Variants in RP1 observed in about 807,000 individuals in gnomAD.
RP1 encodes the protein RP1 axonemal microtubule associated.
In RP1, 16 loss-of-function variants were observed where a neutral mutation model predicts 14.8. The ratio of observed to expected loss-of-function variants is 1.08; its 90% CI spans 0.73 to 1.65. The LOEUF is 1.65. Among genes scored for constraint, RP1 ranks in the 40% most tolerant of loss-of-function variants. The pLI, the probability that RP1 is intolerant of heterozygous loss-of-function variation, is 0.00. For synonymous variants in RP1, 876 were observed against 883.6 expected (o/e 0.99, Z 0.15); for missense variants, 2,631 against 2,535.0 (o/e 1.04, Z -0.81).
At chr8:54,633,233 A>C (rs1219898876), downstream of RP1, among the ~76,000 whole-genome samples, 1 of 152,176 alleles carries the variant, frequency 6.6e-6, no homozygotes, top group Non-Finnish European at 1.5e-5. Context: ...GCAGAAGTTC[A>C]AAAGTAGAGG....
chr8:54,816,523 G>T (rs1262416899), intron 24 of RP1, among the ~76,000 whole-genome samples: 2 of 152,202 alleles, frequency 1.3e-5, no homozygotes, highest in Admixed American at 1.3e-4. Flanking sequence ...TGAGGATTTT[G>T]TGAGATAAAA....
At position 54,629,795 on chromosome 8, in the gene RP1, C is replaced by T. The variant is rs754290174; in HGVS notation, c.5913C>T (p.Asn1971=). The part of the protein sequence containing the change: ...QTDKNVFREE[N]NKASMRQNLI... ...ACAAAAATGTGTTCAGGGAAGAGAA[C>T]AATAAAGCAAGTATGAGACAAAATC... Residue 1971 remains asparagine (N), a synonymous_variant, in exon 4 of 4, where the codon AAC becomes AAT. Transcript: ENST00000220676. The T allele has an allele frequency of 3.7e-6, 6 of 1,611,202 alleles. No individual in the cohort carries two copies. The highest frequency in any genetic ancestry group is 1.1e-5 in the South Asian group (1 of 90,526).
chr8:54,627,811 T>C lies in RP1; in HGVS notation c.3929T>C (p.Phe1310Ser), dbSNP rs2129317365. 2 of 1,614,188 alleles carry C rather than the reference T, an allele frequency of 1.2e-6. No homozygotes were observed. Among genetic ancestry groups the C allele is most frequent in the East Asian group, 4.5e-5 (2 of 44,888 alleles). Residue 1310 changes from phenylalanine to serine, a missense_variant, in exon 4 of 4, where the codon TTT becomes TCT. Transcript: ENST00000220676. Reference sequence around the variant, plus strand: ...GTCTGTTCACTTACTGATACTGTGTTTTCTGATAAGGCTTGTGCTCAAAAG... The same window carrying C: ...GTCTGTTCACTTACTGATACTGTGTCTTCTGATAAGGCTTGTGCTCAAAAG... ...GEVCSLTDTVFSDKACAQKEN... is the reference protein window; with the variant it reads ...GEVCSLTDTVSSDKACAQKEN...
chr8:54,819,019 G>A (rs1337715167), intron 24 of RP1, among the ~76,000 whole-genome samples: 5 of 151,766 alleles, frequency 3.3e-5, no homozygotes, highest in Non-Finnish European at 5.9e-5. Context: ...TGCACTGGAG[G>A]GCCCAGAACA....
intron 3 of RP1, among the ~76,000 whole-genome samples, chr8:54,638,900 C>T (rs1393534039): frequency 6.8e-5 from 8 of 117,784 alleles, no homozygotes; most frequent in African/African-American, 2.8e-4. Flanking sequence ...CTCTCTCTCT[C>T]TCTCTCTCGG....
In RP1 at chr8:54,621,308, T is replaced by C. The variant is rs1486214059; in HGVS notation, c.342T>C (p.Pro114=). The C allele has an allele frequency of 6.2e-7, 1 of 1,613,576 alleles. No homozygotes were observed. The change falls in exon 2 of 4, where the codon CCT becomes CCC. Residue 114 remains proline (P), a synonymous_variant. Coordinates refer to ENST00000220676, the MANE Select transcript of RP1 (RefSeq NM_006269.2). ...GTTCCCACGGCAGGAAGGTGCAGCC[T>C]GTAGACCTGGACAAAGCCCGTCGGC... ...YLCSHGRKVQ[P]VDLDKARRRP... is the part of the protein sequence containing the mutation.
chr8:54,699,364 T>C, intron 12 of RP1: 1 of 444,648 alleles, frequency 2.2e-6, no homozygotes, highest in East Asian at 3.4e-5. Flanking sequence ...AAACATTTAA[T>C]TGAGAAGTTT....
chr8:54,746,849 G>C (rs1809236250), intron 19 of RP1, among the ~76,000 whole-genome samples: 1 of 152,130 alleles, frequency 6.6e-6, no homozygotes, highest in South Asian at 2.1e-4. Context: ...TGAATATCAA[G>C]TGAAAAAAAT....
chr8:54,630,016 G>A lies in RP1; in HGVS notation c.6134G>A (p.Gly2045Asp). 1.9e-6 allele frequency: 3 copies of A among 1,613,986 alleles called. No homozygotes were observed. The South Asian group carries it at 3.3e-5, about 18-fold the overall frequency. The change falls in exon 4 of 4, where the codon GGT (glycine) becomes GAT (aspartate). Residue 2045 changes from glycine (G) to aspartate (D), a missense_variant. Coordinates refer to ENST00000220676, the MANE Select transcript of RP1 (RefSeq NM_006269.2). ...TTGCACACATCATTGTTAGTTGTGG[G>A]TAATGTGGATTCAAATACACAAGAC... is the stretch of plus-strand genomic sequence containing the variant. ...NFLHTSLLVVGNVDSNTQDLS... is the reference protein window; with the variant it reads ...NFLHTSLLVVDNVDSNTQDLS...
At chr8:54,571,858 G>A (rs1246020961) in intron 1 of RP1, among the ~76,000 whole-genome samples, 1 of 152,056 alleles carries the variant, frequency 6.6e-6, no homozygotes. Flanking sequence ...CTCTGAAGGT[G>A]TCTATATCCA....
At chr8:54,636,236 A>G (rs1806342842) in intron 3 of RP1, among the ~76,000 whole-genome samples, 1 of 152,222 alleles carries the variant, frequency 6.6e-6, no homozygotes, top group South Asian at 2.1e-4. Flanking sequence ...GTCTGCCTGA[A>G]AAAACAGTTT....
At chr8:54,680,518 A>G (rs1389322036) in intron 12 of RP1, among the ~76,000 whole-genome samples, 1 of 152,184 alleles carries the variant, frequency 6.6e-6, no homozygotes. Context: ...ACACCTATGA[A>G]TTTAACTGTA....
At chr8:54,699,521 A>C in exon 13 of RP1, 1 of 1,413,268 alleles carries the variant, frequency 7.1e-7, no homozygotes, top group South Asian at 1.7e-5. Flanking sequence ...CAAAGTCATG[A>C]GATGAGGCAT....
chr8:54,610,678 C>T (rs1203736488), intron 1 of RP1, among the ~76,000 whole-genome samples: 2 of 152,166 alleles, frequency 1.3e-5, no homozygotes, highest in Non-Finnish European at 2.9e-5. Flanking sequence ...AAATCTTAGT[C>T]TTCCTTGACA....
At chr8:54,755,554 TTC>T (rs1809483972) in intron 20 of RP1, 2 of 1,468,256 alleles carry the variant, frequency 1.4e-6, no homozygotes, top group African/African-American at 2.8e-5. Flanking sequence ...TGGATCTGGG[TTC>T]TGTTTGTATG....
At chr8:54,788,289 G>T (rs1262043856) in intron 24 of RP1, among the ~76,000 whole-genome samples, 1 of 152,160 alleles carries the variant, frequency 6.6e-6, no homozygotes, top group South Asian at 2.1e-4. Context: ...GTAATATCAA[G>T]AATGTTTATC....
intron 1 of RP1, among the ~76,000 whole-genome samples, chr8:54,581,641 A>G (rs1026716864): frequency 1.3e-5 from 2 of 152,090 alleles, no homozygotes; most frequent in African/African-American, 2.4e-5. Context: ...AACTATTCCT[A>G]TTTCTCCACA....
At chr8:54,600,315 T>C (rs1228009465) in intron 1 of RP1, among the ~76,000 whole-genome samples, 1 of 152,234 alleles carries the variant, frequency 6.6e-6, no homozygotes, top group African/African-American at 2.4e-5. Flanking sequence ...CCCAGCCATG[T>C]AGAACTTTGA....
intron 19 of RP1, among the ~76,000 whole-genome samples, chr8:54,741,011 G>C (rs973841841): frequency 6.6e-6 from 1 of 151,620 alleles, no homozygotes; most frequent in Non-Finnish European, 1.5e-5. Context: ...ACTCCAGTCT[G>C]GGGGACAAGA....
Sources: allele counts gnomAD v4.1 joint callset (sites outside exome capture counted in the v4.1 genomes callset), GRCh38; gene constraint gnomAD v4.1.1; transcripts MANE v1.5; gene names NCBI Gene and HGNC (gene_info 2026-07-23, HGNC 2026-07-21).